NRDC: variants seen among roughly 807,000 people sequenced by gnomAD.
The protein encoded by NRDC is nardilysin.
Under a neutral mutation model 147.1 loss-of-function variants are expected in NRDC, and 54 were observed. That is an observed-to-expected ratio of 0.37 (90% CI 0.29 to 0.46). The LOEUF (loss-of-function observed/expected upper bound fraction) is 0.46. Among genes scored for constraint, NRDC ranks in the 20% least tolerant of loss-of-function variants. The pLI is 1.00. For synonymous variants in NRDC, 440 were observed against 482.1 expected, an observed-to-expected ratio of 0.91 and a Z score of 1.14; for missense variants, 1,082 against 1,370.6, an observed-to-expected ratio of 0.79 and a Z score of 3.33.
At chr1:51,873,850 G>A (rs1435055243) in intron 1 of NRDC, among the ~76,000 whole-genome samples, 5 of 151,714 alleles carry the variant, frequency 3.3e-5, no homozygotes, top group African/African-American at 1.2e-4. Flanking sequence ...ACTTGTAACA[G>A]TCTGACCAAA....
intron 1 of NRDC, among the ~76,000 whole-genome samples, chr1:51,852,225 G>A (rs1393462192): frequency 6.6e-6 from 1 of 152,032 alleles, no homozygotes; most frequent in Non-Finnish European, 1.5e-5. Flanking sequence ...GACCTCATGT[G>A]TCCTTGTTGA....
At chr1:51,872,232 C>T (rs1683120119) in intron 1 of NRDC, among the ~76,000 whole-genome samples, 1 of 152,184 alleles carries the variant, frequency 6.6e-6, no homozygotes, top group Non-Finnish European at 1.5e-5. Context: ...GGTGATCTTC[C>T]TGCCTTGGCC....
At chr1:51,853,963 T>C (rs1682113204) in intron 1 of NRDC, among the ~76,000 whole-genome samples, 1 of 152,224 alleles carries the variant, frequency 6.6e-6, no homozygotes, top group Admixed American at 6.5e-5. Context: ...CTTTATATCA[T>C]AACCAAATGT....
chr1:51,836,035 C>T (rs1006942110), intron 3 of NRDC, 96 bp downstream of exon 3: 18 of 939,150 alleles, frequency 1.9e-5, no homozygotes, highest in Non-Finnish European at 2.8e-5. Context: ...ATATATCATA[C>T]TTCTGTCAAA....
At chr1:51,836,746 T>TA (rs902736602) in intron 2 of NRDC, among the ~76,000 whole-genome samples, 13 of 152,230 alleles carry the variant, frequency 8.5e-5, no homozygotes, top group Non-Finnish European at 1.8e-4. Flanking sequence ...TAGTAAGTGA[T>TA]AAAAAAAGAT....
At chr1:51,833,899 G>T in intron 4 of NRDC, 118 bp downstream of exon 4, 1 of 871,280 alleles carries the variant, frequency 1.1e-6, no homozygotes, top group Non-Finnish European at 1.7e-6. Context: ...ACAGGCATGA[G>T]TCACCATGAC....
At position 51,790,554 on chromosome 1, in the gene NRDC, G is replaced by A; in HGVS notation, c.3147C>T (p.Leu1049=). 1 of 1,613,164 alleles carries A rather than the reference G, an allele frequency of 6.2e-7. No homozygotes were observed. Among genetic ancestry groups the A allele is most frequent in the Non-Finnish European group, 8.5e-7 (1 of 1,179,112 alleles). ...NWNEVVTQQY[L]FDRLAHEIEA... ...TTACCTCGTGGGCAAGGCGGTCAAA[G>A]AGGTACTGCTGTGTAACCACTTCAT... Residue 1049 remains leucine (L), a synonymous_variant, in exon 29 of 31, where the codon CTC becomes CTT. Transcript: ENST00000352171.
intron 3 of NRDC, among the ~76,000 whole-genome samples, chr1:51,834,897 C>T (rs1011353268): frequency 3.9e-5 from 6 of 152,014 alleles, no homozygotes; most frequent in Non-Finnish European, 5.9e-5. Context: ...AATTTAAGCA[C>T]AAACATATGC....
chr1:51,842,804 G>A (rs1004759706), intron 1 of NRDC, among the ~76,000 whole-genome samples: 4 of 151,904 alleles, frequency 2.6e-5, no homozygotes, highest in South Asian at 2.1e-4. Flanking sequence ...AGTGGCTTGC[G>A]CCTATAATCC....
chr1:51,868,751 C>T (rs1244691590), intron 1 of NRDC, among the ~76,000 whole-genome samples: 4 of 152,002 alleles, frequency 2.6e-5, no homozygotes, highest in African/African-American at 4.8e-5. Context: ...GCGTGCCTGT[C>T]GTCCCAGCTA....
chr1:51,846,743 T>G lies in NRDC; in HGVS notation c.342-6229A>C, dbSNP rs190149143. Among the ~76,000 whole-genome samples the G allele has an allele frequency of 8.5e-5, 13 of 152,356 alleles. No homozygotes were observed. In the East Asian group the frequency reaches 2.5e-3, roughly 29 times the overall value. ...GATGGAACTCGACCCAAGTGGGTTA[T>G]CACCCCAGGAGCCTGCAGCCTGCTT... On this transcript the variant is annotated intron_variant, in intron 1 of 30. Coordinates refer to ENST00000352171, the MANE Select transcript of NRDC (RefSeq NM_001101662.2).
intron 19 of NRDC, among the ~76,000 whole-genome samples, chr1:51,804,890 A>C (rs2149195976): frequency 6.6e-6 from 1 of 152,322 alleles, no homozygotes; most frequent in Non-Finnish European, 1.5e-5. Context: ...CTATGTTCAG[A>C]CACATTTCCC....
At chr1:51,875,285 C>A (rs1683267183) in intron 1 of NRDC, among the ~76,000 whole-genome samples, 1 of 152,178 alleles carries the variant, frequency 6.6e-6, no homozygotes, top group Non-Finnish European at 1.5e-5. Flanking sequence ...TATGGAAGAA[C>A]TGCTCTTCTG....
chr1:51,872,887 G>T (rs1683147721), intron 1 of NRDC, among the ~76,000 whole-genome samples: 1 of 151,518 alleles, frequency 6.6e-6, no homozygotes, highest in Non-Finnish European at 1.5e-5. Flanking sequence ...TACAAGACAA[G>T]TGAGAGTGCA....
Position 51,814,581 on chromosome 1 carries a change from T to C in NRDC, c.1589A>G (p.Lys530Arg). 1 of 1,613,646 alleles carries C rather than the reference T, an allele frequency of 6.2e-7. No homozygotes were observed. Among genetic ancestry groups the C allele is most frequent in the Non-Finnish European group, 8.5e-7 (1 of 1,179,626 alleles). Residue 530 changes from lysine (K) to arginine (R), a missense_variant, in exon 13 of 31, where the codon AAA becomes AGA. Lys to Arg is a conservative substitution (Grantham distance 26). Coordinates refer to ENST00000352171, the MANE Select transcript of NRDC (RefSeq NM_001101662.2). ...TTCTGGGCCTAGCTTCTGCAGCATT[T>C]TTAAATACTGAAAGACAGTGTAAGC... ...EVAYTVFQYL[K>R]MLQKLGPEKR...
At chr1:51,800,709 T>C (rs756001003) in intron 20 of NRDC, 26 bp from the exon 21 acceptor site, 1 of 1,608,170 alleles carries the variant, frequency 6.2e-7, no homozygotes. Context: ...GGAAGCATTT[T>C]AAGAAGCATG....
intron 22 of NRDC, 80 bp from the exon 23 acceptor site, chr1:51,794,934 A>G (rs948497815): frequency 2.5e-6 from 4 of 1,598,280 alleles, no homozygotes; most frequent in Non-Finnish European, 3.4e-6. Context: ...CAATGTTCCA[A>G]TTGCTTGGGG....
At chr1:51,836,312 T>C (rs1341804296) in intron 2 of NRDC, 100 bp from the exon 3 acceptor site, 1 of 1,583,458 alleles carries the variant, frequency 6.3e-7, no homozygotes, top group Non-Finnish European at 8.7e-7. Context: ...TGTTTTCCAA[T>C]AGGAGTAACA....
chr1:51,840,776 T>C (rs1389434883), intron 1 of NRDC, among the ~76,000 whole-genome samples: 3 of 152,182 alleles, frequency 2.0e-5, no homozygotes, highest in Non-Finnish European at 1.5e-5. Flanking sequence ...TTGAACTACA[T>C]AAATATATTT....
Sources: gnomAD v4.1 joint callset for allele counts (sites outside exome capture counted in the v4.1 genomes callset) on GRCh38, gnomAD v4.1.1 for gene constraint, MANE v1.5 for transcripts, NCBI Gene and HGNC (gene_info 2026-07-23, HGNC 2026-07-21) for gene names.